Variants in MGME1 observed in about 807,000 individuals in gnomAD.
The protein encoded by MGME1 is mitochondrial genome maintenance exonuclease 1.
Under a neutral mutation model 33.0 loss-of-function variants are expected in MGME1, and 22 were observed. The observed-to-expected ratio is 0.67, with a 90% CI of 0.48 to 0.95. The LOEUF (loss-of-function observed/expected upper bound fraction) is 0.95, where lower values mean the gene tolerates loss of function less well. MGME1 is among the 40% of genes least tolerant of loss of function. The pLI is 0.00. For synonymous variants in MGME1, 133 were observed against 144.0 expected (o/e 0.92, Z 0.55); for missense variants, 383 against 397.8 (o/e 0.96, Z 0.32).
At position 17,969,858 on chromosome 20, in the gene MGME1, G is replaced by A; in HGVS notation, c.-2G>A. The A allele has an allele frequency of 6.2e-7, 1 of 1,600,530 alleles. No homozygotes were observed. Among genetic ancestry groups the A allele is most frequent in the Non-Finnish European group, 8.5e-7 (1 of 1,175,168 alleles). On this transcript the variant is annotated 5_prime_UTR_variant, in exon 2 of 5. Transcript: ENST00000377710. Reference sequence around the variant, plus strand: ...AATAGACTAAAGTGAAAACAAATCTGAATGAAGATGAAGTTATTTCAGACC... The same window carrying A: ...AATAGACTAAAGTGAAAACAAATCTAAATGAAGATGAAGTTATTTCAGACC...
chr20:17,990,035 T>A lies in MGME1; in HGVS notation c.961T>A (p.Trp321Arg). Residue 321 changes from tryptophan (W) to arginine (R), a missense_variant, in exon 5 of 5, where the codon TGG becomes AGG. Transcript: ENST00000377710. The stretch of plus-strand genomic sequence containing the variant: ...GCTCTGTTCCCAGTACTGGACCAAG[T>A]GGCTTCTTCGACTAGAAGAATATAC... ...AELCSQYWTK[W>R]LLRLEEYTEK... 1 of 1,614,068 alleles carries A rather than the reference T, an allele frequency of 6.2e-7. No homozygotes were observed. Among genetic ancestry groups the A allele is most frequent in the Non-Finnish European group, 8.5e-7 (1 of 1,179,970 alleles).
intron 3 of MGME1, among the ~76,000 whole-genome samples, chr20:17,985,654 C>G (rs1047109220): frequency 6.6e-6 from 1 of 152,164 alleles, no homozygotes; most frequent in African/African-American, 2.4e-5. Context: ...GTGGTAGGTG[C>G]CCTATACAAG....
rs186639336 is a variant in MGME1, at chr20:17,981,748, T to C, written c.731+5845T>C. ...GGCACAATCTGGACTCACTATAACC[T>C]CCGCCTCCCAGGTTCCAGCAATTCT... On this transcript the variant is annotated intron_variant, in intron 3 of 4. Transcript: ENST00000377710. Among the ~76,000 whole-genome samples, 518 of 151,650 alleles carry C rather than the reference T, an allele frequency of 3.4e-3. 5 individuals are homozygous for C. Among genetic ancestry groups the C allele is most frequent in the African/African-American group, 0.012 (487 of 41,340 alleles).
At chr20:17,982,753 C>T (rs989192325) in intron 3 of MGME1, among the ~76,000 whole-genome samples, 11 of 152,170 alleles carry the variant, frequency 7.2e-5, no homozygotes, top group Middle Eastern at 3.4e-3. Flanking sequence ...TTTGGGTTTA[C>T]GCTACTATGA....
Position 17,975,457 on chromosome 20 carries a change from T to A in MGME1, c.512-227T>A, listed in dbSNP as rs374480659. Among the ~76,000 whole-genome samples the A allele has an allele frequency of 2.3e-4, 35 of 150,824 alleles. No individual in the cohort carries two copies. In the East Asian group the frequency reaches 4.1e-3, roughly 18 times the overall value. ...CTGTAATCCCAGCTACTCAGGAGGC[T>A]GAGGCAGGAGAATCACTTGACCCCA... On this transcript the variant is annotated intron_variant, in intron 2 of 4. Transcript: ENST00000377710.
chr20:17,984,359 A>G (rs1048143433), intron 3 of MGME1, among the ~76,000 whole-genome samples: 5 of 152,192 alleles, frequency 3.3e-5, no homozygotes, highest in Non-Finnish European at 7.3e-5. Flanking sequence ...ACGACAGACT[A>G]CATGTAAACA....
rs751485044 is a variant in MGME1 at position 17,990,166 on chromosome 20, T to C, written c.*57T>C. ...CCTTCTCACAGTTTGGGAACATATA[T>C]TGCTGTTTACTCCAGTGTAAAAATG... On this transcript the variant is annotated 3_prime_UTR_variant, in exon 5 of 5. Coordinates refer to ENST00000377710, the MANE Select transcript of MGME1 (RefSeq NM_052865.4). The C allele has an allele frequency of 6.7e-7, 1 of 1,497,712 alleles. No individual in the cohort carries two copies. The highest frequency in any genetic ancestry group is 9.3e-7 in the Non-Finnish European group (1 of 1,075,462). 92.8% of individuals were successfully genotyped at this position (1,497,712 alleles called of 1,614,324 possible).
chr20:17,978,154 G>A (rs1362125214), intron 3 of MGME1, among the ~76,000 whole-genome samples: 2 of 152,232 alleles, frequency 1.3e-5, no homozygotes, highest in African/African-American at 4.8e-5. Flanking sequence ...CCGAAAGAGT[G>A]GGCACCCTTG....
At position 17,974,061 on chromosome 20, in the gene MGME1, G is replaced by GTTT. The variant is rs34206000; in HGVS notation, c.512-1602_512-1600dup. On this transcript the variant is annotated intron_variant, in intron 2 of 4. Coordinates refer to ENST00000377710, the MANE Select transcript of MGME1 (RefSeq NM_052865.4). ...TTGTGTTTGTTGAGTCTCTTTGTGTGTTTTTTTTTTTTTTTTTTTTTTTGA... is the reference window on the plus strand; with the variant it reads ...TTGTGTTTGTTGAGTCTCTTTGTGTGTTTTTTTTTTTTTTTTTTTTTTTTTTGA... Among the ~76,000 whole-genome samples, 113 of 85,498 alleles carry GTTT rather than the reference G, an allele frequency of 1.3e-3. 4 individuals carry two copies. Among genetic ancestry groups the GTTT allele is most frequent in the African/African-American group, 2.6e-3 (65 of 25,082 alleles). 56.1% of individuals were successfully genotyped at this position (85,498 alleles called of 152,430 possible).
At chr20:17,983,332 A>G (rs2122587805) in intron 3 of MGME1, among the ~76,000 whole-genome samples, 1 of 149,600 alleles carries the variant, frequency 6.7e-6, no homozygotes, top group African/African-American at 2.5e-5. Context: ...ATTTATCCAT[A>G]GATGGACACT....
chr20:17,987,612 A>T (rs1436183584), intron 3 of MGME1, among the ~76,000 whole-genome samples: 1 of 151,982 alleles, frequency 6.6e-6, no homozygotes, highest in Non-Finnish European at 1.5e-5. Flanking sequence ...CATGGCTCAC[A>T]TTTTACTTCT....
chr20:17,978,595 A>G (rs1276877629), intron 3 of MGME1, among the ~76,000 whole-genome samples: 1 of 152,158 alleles, frequency 6.6e-6, no homozygotes, highest in Non-Finnish European at 1.5e-5. Flanking sequence ...GTTGCCTTTT[A>G]GATAAACCAA....
At chr20:17,986,830 GTT>G (rs369203961) in intron 3 of MGME1, among the ~76,000 whole-genome samples, 12 of 145,676 alleles carry the variant, frequency 8.2e-5, no homozygotes, top group Admixed American at 6.9e-4. Flanking sequence ...TGCTATTAAG[GTT>G]TTTTTTTTTA....
intron 3 of MGME1, among the ~76,000 whole-genome samples, chr20:17,980,156 G>T (rs1332771154): frequency 6.6e-6 from 1 of 152,066 alleles, no homozygotes; most frequent in Non-Finnish European, 1.5e-5. Flanking sequence ...CTCTCTAGTA[G>T]CTGGGATTAC....
chr20:17,979,906 A>AT (rs1568612112), intron 3 of MGME1, among the ~76,000 whole-genome samples: 1 of 151,582 alleles, frequency 6.6e-6, no homozygotes, highest in Non-Finnish European at 1.5e-5. Flanking sequence ...TAATTTTTCT[A>AT]TTTTTTGTAG....
At chr20:17,972,223 GA>G (rs1350336873) in intron 2 of MGME1, among the ~76,000 whole-genome samples, 1 of 152,154 alleles carries the variant, frequency 6.6e-6, no homozygotes, top group Non-Finnish European at 1.5e-5. Flanking sequence ...AAATTAAGAA[GA>G]TTTTTTTAAT....
At chr20:17,986,582 G>T (rs934081300) in intron 3 of MGME1, among the ~76,000 whole-genome samples, 1 of 151,770 alleles carries the variant, frequency 6.6e-6, no homozygotes, top group East Asian at 1.9e-4. Flanking sequence ...CTGGTCTCGG[G>T]CTCCTGAGCT....
intron 1 of MGME1, among the ~76,000 whole-genome samples, 194 bp from the exon 2 acceptor site, chr20:17,969,607 C>A (rs1000425674): frequency 7.2e-5 from 11 of 152,156 alleles, no homozygotes; most frequent in Non-Finnish European, 4.4e-5. Flanking sequence ...TCTACTAATT[C>A]GCATTTAGTA....
chr20:17,988,674 T>C (rs1410707661), intron 4 of MGME1, among the ~76,000 whole-genome samples: 3 of 142,138 alleles, frequency 2.1e-5, no homozygotes, highest in African/African-American at 7.9e-5. Flanking sequence ...AAAAAACTTC[T>C]CAGTGGGGGG....
Sources: gnomAD v4.1 joint callset for allele counts (sites outside exome capture counted in the v4.1 genomes callset) on GRCh38, gnomAD v4.1.1 for gene constraint, MANE v1.5 for transcripts, NCBI Gene and HGNC (gene_info 2026-07-23, HGNC 2026-07-21) for gene names.